Variants in COL8A1 observed in about 807,000 individuals in gnomAD.
The protein encoded by COL8A1 is collagen alpha-1(VIII) chain.
Under a neutral mutation model 42.7 loss-of-function variants are expected in COL8A1, and 21 were observed. The ratio of observed to expected loss-of-function variants is 0.49; its 90% CI spans 0.35 to 0.71. The LOEUF is 0.71. Among genes scored for constraint, COL8A1 ranks in the 30% least tolerant of loss-of-function variants. COL8A1 has a pLI of 0.01. For missense variants in COL8A1, 788 were observed against 962.4 expected, an observed-to-expected ratio of 0.82 and a Z score of 2.40; for synonymous variants, 367 against 369.1, an observed-to-expected ratio of 0.99 and a Z score of 0.06.
chr3:99,731,048 C>T (rs1161968410), intron 1 of COL8A1, among the ~76,000 whole-genome samples: 3 of 151,922 alleles, frequency 2.0e-5, no homozygotes, highest in Non-Finnish European at 4.4e-5. Context: ...CTACCATGTG[C>T]CAGGCCTGGT....
intron 1 of COL8A1, among the ~76,000 whole-genome samples, chr3:99,718,014 T>C (rs922151020): frequency 6.6e-6 from 1 of 151,970 alleles, no homozygotes; most frequent in African/African-American, 2.4e-5. Context: ...GCCAAATTTT[T>C]CCCCAAATGC....
chr3:99,751,401 T>C (rs62283494), intron 2 of COL8A1, among the ~76,000 whole-genome samples: 7,910 of 152,030 alleles, frequency 0.052, 304 homozygotes, highest in Non-Finnish European at 0.075. Flanking sequence ...CTACTACAAA[T>C]ACAAAAATTA....
chr3:99,717,155 T>A (rs1202316768), intron 1 of COL8A1, among the ~76,000 whole-genome samples: 2 of 152,062 alleles, frequency 1.3e-5, no homozygotes, highest in Non-Finnish European at 2.9e-5. Context: ...ATCTCTGTTT[T>A]GTGCTATATA....
chr3:99,733,670 G>A (rs1039485030), intron 1 of COL8A1, among the ~76,000 whole-genome samples: 17 of 151,704 alleles, frequency 1.1e-4, no homozygotes, highest in Non-Finnish European at 2.4e-4. Context: ...ACCCAGTAAT[G>A]GGATGGCTGG....
intron 1 of COL8A1, among the ~76,000 whole-genome samples, chr3:99,692,690 A>T (rs1939255192): frequency 1.3e-5 from 2 of 152,182 alleles, no homozygotes; most frequent in South Asian, 4.1e-4. Context: ...CTATATAAAG[A>T]CGTTTTGGTC....
chr3:99,792,493 A>ACGCT (rs2107457897), intron 3 of COL8A1, among the ~76,000 whole-genome samples: 1 of 152,342 alleles, frequency 6.6e-6, no homozygotes, highest in Non-Finnish European at 1.5e-5. Flanking sequence ...TCTGAAAGGC[A>ACGCT]CAGCATGTTC....
chr3:99,670,133 A>G (rs1170115038), intron 1 of COL8A1, among the ~76,000 whole-genome samples: 2 of 152,072 alleles, frequency 1.3e-5, no homozygotes, highest in Admixed American at 1.3e-4. Context: ...TAAAGAGTTT[A>G]TTTTGCAATG....
At chr3:99,734,505 C>G (rs575275584) in intron 1 of COL8A1, among the ~76,000 whole-genome samples, 1 of 151,784 alleles carries the variant, frequency 6.6e-6, no homozygotes. Flanking sequence ...TTCCATTGAA[C>G]TATATCTCTG....
chr3:99,711,358 C>T (rs1263771471), intron 1 of COL8A1, among the ~76,000 whole-genome samples: 1 of 152,146 alleles, frequency 6.6e-6, no homozygotes, highest in Non-Finnish European at 1.5e-5. Context: ...CTAATAGAAA[C>T]AAATGTAATA....
At chr3:99,681,050 A>G (rs2107322947) in intron 1 of COL8A1, among the ~76,000 whole-genome samples, 1 of 152,356 alleles carries the variant, frequency 6.6e-6, no homozygotes, top group Non-Finnish European at 1.5e-5. Context: ...AAGAAAACCT[A>G]GGCAATACTA....
At chr3:99,645,830 C>A (rs1937631168) in intron 1 of COL8A1, among the ~76,000 whole-genome samples, 1 of 152,012 alleles carries the variant, frequency 6.6e-6, no homozygotes, top group African/African-American at 2.4e-5. Flanking sequence ...AGAAAATGTT[C>A]TTTCCAAGGC....
At chr3:99,728,078 G>A (rs1940390876) in intron 1 of COL8A1, among the ~76,000 whole-genome samples, 1 of 151,624 alleles carries the variant, frequency 6.6e-6, no homozygotes, top group Non-Finnish European at 1.5e-5. Context: ...TTGAAAACTG[G>A]CACAAGACAG....
intron 2 of COL8A1, among the ~76,000 whole-genome samples, chr3:99,765,773 C>T (rs1248803124): frequency 1.3e-5 from 2 of 152,142 alleles, no homozygotes; most frequent in Non-Finnish European, 2.9e-5. Flanking sequence ...AGAATGTTAA[C>T]ATTTTGTGGT....
chr3:99,731,951 G>A (rs906508987), intron 1 of COL8A1, among the ~76,000 whole-genome samples: 2 of 152,086 alleles, frequency 1.3e-5, no homozygotes, highest in African/African-American at 2.4e-5. Context: ...ATAACAAAAT[G>A]AGAGTGATGC....
intron 1 of COL8A1, among the ~76,000 whole-genome samples, chr3:99,674,995 T>C (rs1375938346): frequency 1.3e-5 from 2 of 152,118 alleles, no homozygotes; most frequent in Non-Finnish European, 2.9e-5. Flanking sequence ...TGAGATTCAA[T>C]GACCTCTGCA....
At chr3:99,673,345 TAA>T (rs1409690437) in intron 1 of COL8A1, among the ~76,000 whole-genome samples, 2 of 152,098 alleles carry the variant, frequency 1.3e-5, no homozygotes, top group East Asian at 3.9e-4. Context: ...TGATCAAGAG[TAA>T]AAGTCCTTAA....
chr3:99,766,247 G>A (rs1275380750), intron 2 of COL8A1, among the ~76,000 whole-genome samples: 1 of 152,152 alleles, frequency 6.6e-6, no homozygotes, highest in Non-Finnish European at 1.5e-5. Flanking sequence ...ATATGGCTGT[G>A]TATTCCCTAA....
At position 99,719,976 on chromosome 3, in the gene COL8A1, A is replaced by T. The variant is rs143192401; in HGVS notation, c.-128-24921A>T. ...TTGAGCTAGATCAACTTTGGTATTC[A>T]TTTGCATATTGGTAAATTTTTTAGT... On this transcript the variant is annotated intron_variant, in intron 1 of 3. Coordinates refer to ENST00000652472, the MANE Select transcript of COL8A1 (RefSeq NM_020351.4). Among the ~76,000 whole-genome samples the T allele has an allele frequency of 4.5e-3, 680 of 152,232 alleles. 4 individuals are homozygous for T. The highest frequency in any genetic ancestry group is 0.015 in the African/African-American group (641 of 41,554).
chr3:99,742,878 G>GA (rs939447635), intron 1 of COL8A1, among the ~76,000 whole-genome samples: 2 of 151,296 alleles, frequency 1.3e-5, no homozygotes, highest in East Asian at 1.9e-4. Flanking sequence ...TAACTAGAAA[G>GA]AAAAAAAATG....
Sources: gnomAD v4.1 joint callset for allele counts (sites outside exome capture counted in the v4.1 genomes callset) on GRCh38, gnomAD v4.1.1 for gene constraint, MANE v1.5 for transcripts, NCBI Gene and HGNC (gene_info 2026-07-23, HGNC 2026-07-21) for gene names.